The following LARP1B variants were observed in gnomAD, a reference collection of about 807,000 sequenced individuals.
LARP1B encodes La ribonucleoprotein 1B.
In LARP1B, 76 loss-of-function variants were observed where a neutral mutation model predicts 114.2. The ratio of observed to expected loss-of-function variants is 0.67; its 90% confidence interval spans 0.55 to 0.81. The LOEUF (loss-of-function observed/expected upper bound fraction) is 0.81, where lower values mean the gene tolerates loss of function less well. Among genes scored for constraint, LARP1B ranks in the 30% least tolerant of loss-of-function variants. The pLI is 0.00. For synonymous variants in LARP1B, 345 were observed against 348.0 expected (o/e 0.99, Z 0.10); for missense variants, 1,014 against 1,075.8 (o/e 0.94, Z 0.80).
chr4:128,210,248 T>C lies in LARP1B; in HGVS notation c.*195T>C, dbSNP rs1758738586. The C allele has an allele frequency of 7.1e-7, 1 of 1,403,636 alleles. No homozygotes were observed. The highest frequency in any genetic ancestry group is 2.9e-5 in the Admixed American group (1 of 34,152). The allele number at this position is 1,403,636 out of a possible 1,614,324, so 86.9% of individuals were successfully genotyped here. A position where few individuals can be genotyped will look rare whatever the true frequency, so the allele number is the denominator to read the frequency against. Reference sequence around the variant, plus strand: ...GTAGCATTTTTTCTAACAAGATAAATTCTAAAAATGTTTTCCCTGATTTCA... The same window carrying C: ...GTAGCATTTTTTCTAACAAGATAAACTCTAAAAATGTTTTCCCTGATTTCA... On this transcript the variant is annotated 3_prime_UTR_variant, in exon 20 of 20. Transcript: ENST00000326639.
rs113672012 is a variant in LARP1B, at chr4:128,093,533, G to T, written c.668+2021G>T. Among the ~76,000 whole-genome samples, 744 of 151,768 alleles carry T rather than the reference G, an allele frequency of 4.9e-3. 3 individuals are homozygous for T. The highest frequency in any genetic ancestry group is 0.017 in the African/African-American group (704 of 41,422). On this transcript the variant is annotated intron_variant, in intron 7 of 19. Coordinates refer to ENST00000326639, the MANE Select transcript of LARP1B (RefSeq NM_018078.4). ...ATGGTGTGAACCTGGGAGGCAGAGC[G>T]TGCAGTGAGCCGAGATAGTGCCACT...
At chr4:128,142,335 A>G (rs1349052100) in intron 11 of LARP1B, among the ~76,000 whole-genome samples, 1 of 152,202 alleles carries the variant, frequency 6.6e-6, no homozygotes, top group Non-Finnish European at 1.5e-5. Flanking sequence ...AACAAAGACC[A>G]GATGGTTATG....
At chr4:128,113,349 T>C (rs1269842726) in intron 9 of LARP1B, among the ~76,000 whole-genome samples, 1 of 151,366 alleles carries the variant, frequency 6.6e-6, no homozygotes, top group Non-Finnish European at 1.5e-5. Flanking sequence ...TTTTCTTTTT[T>C]TCTTTTTTTT....
chr4:128,183,442 C>T (rs1192416611), intron 15 of LARP1B, among the ~76,000 whole-genome samples: 2 of 152,218 alleles, frequency 1.3e-5, no homozygotes, highest in African/African-American at 4.8e-5. Context: ...GACAGCACAT[C>T]TACTTACAAT....
At chr4:128,161,354 G>A (rs1738408644) in intron 11 of LARP1B, among the ~76,000 whole-genome samples, 1 of 152,176 alleles carries the variant, frequency 6.6e-6, no homozygotes, top group African/African-American at 2.4e-5. Context: ...CTATGCAATA[G>A]TAGTTACAAA....
At chr4:128,144,855 C>T (rs1222196408) in intron 11 of LARP1B, among the ~76,000 whole-genome samples, 6 of 152,032 alleles carry the variant, frequency 3.9e-5, no homozygotes, top group Non-Finnish European at 8.8e-5. Context: ...TCTGTTTCTT[C>T]ATATATATTT....
chr4:128,092,537 A>G (rs1292950736), intron 7 of LARP1B, among the ~76,000 whole-genome samples: 2 of 152,194 alleles, frequency 1.3e-5, no homozygotes, highest in East Asian at 3.8e-4. Context: ...TGCATAACCA[A>G]TTTGTTAAAA....
chr4:128,107,827 G>A, intron 9 of LARP1B: 1 of 1,526,816 alleles, frequency 6.5e-7, no homozygotes. Context: ...TTTTTTCCTG[G>A]ATCATTTTTA....
At chr4:128,120,549 A>G (rs1787559019) in intron 10 of LARP1B, among the ~76,000 whole-genome samples, 1 of 151,466 alleles carries the variant, frequency 6.6e-6, no homozygotes, top group Admixed American at 6.6e-5. Flanking sequence ...CCAGGGTTCA[A>G]GCCTCCGCCT....
At chr4:128,113,627 C>T (rs1356649609) in intron 9 of LARP1B, among the ~76,000 whole-genome samples, 2 of 151,950 alleles carry the variant, frequency 1.3e-5, no homozygotes, top group Non-Finnish European at 2.9e-5. Flanking sequence ...AGGTGTGAGC[C>T]ACTGCGCCTG....
At chr4:128,120,246 A>T (rs2149987097) in intron 10 of LARP1B, among the ~76,000 whole-genome samples, 1 of 152,228 alleles carries the variant, frequency 6.6e-6, no homozygotes, top group Admixed American at 6.5e-5. Context: ...ATTATTGGGA[A>T]TTTTGAAAGG....
chr4:128,220,146 A>ATC (rs1759897392), intron 6 of LARP1B, among the ~76,000 whole-genome samples: 1 of 152,012 alleles, frequency 6.6e-6, no homozygotes, highest in Non-Finnish European at 1.5e-5. Flanking sequence ...CAGCCTCCCA[A>ATC]AGTGCTGTGA....
chr4:128,140,454 G>T (rs1042814907), intron 11 of LARP1B, among the ~76,000 whole-genome samples: 1 of 152,096 alleles, frequency 6.6e-6, no homozygotes, highest in African/African-American at 2.4e-5. Flanking sequence ...CTCAAGAACA[G>T]ATCAAATGAA....
intron 15 of LARP1B, among the ~76,000 whole-genome samples, chr4:128,193,350 T>C (rs1752898270): frequency 6.6e-6 from 1 of 152,156 alleles, no homozygotes; most frequent in South Asian, 2.1e-4. Flanking sequence ...TCGTAATAGA[T>C]ATTTGCCTGT....
chr4:128,116,650 C>A (rs1423016505), intron 10 of LARP1B, among the ~76,000 whole-genome samples: 1 of 152,026 alleles, frequency 6.6e-6, no homozygotes, highest in Non-Finnish European at 1.5e-5. Context: ...GAGGATCTGG[C>A]CTGGAGGAAA....
chr4:128,142,076 A>C (rs1273887116), intron 11 of LARP1B, among the ~76,000 whole-genome samples: 5 of 152,166 alleles, frequency 3.3e-5, no homozygotes, highest in African/African-American at 7.2e-5. Flanking sequence ...GAGTCATGTA[A>C]ACTTCCTGTC....
At chr4:128,129,549 G>A (rs1487544400) in intron 11 of LARP1B, among the ~76,000 whole-genome samples, 2 of 151,888 alleles carry the variant, frequency 1.3e-5, no homozygotes, top group Non-Finnish European at 2.9e-5. Flanking sequence ...TATCTCCAGA[G>A]GCAAAAAACA....
intron 13 of LARP1B, 142 bp from the exon 14 acceptor site, chr4:128,178,287 GTA>G: frequency 1.6e-6 from 1 of 606,626 alleles, no homozygotes; most frequent in South Asian, 2.3e-5. Context: ...GGTCAAAAAA[GTA>G]TTTGTTATTT....
intron 12 of LARP1B, among the ~76,000 whole-genome samples, chr4:128,164,987 AAAAT>A (rs1480029831): frequency 1.2e-4 from 18 of 152,272 alleles, no homozygotes; most frequent in African/African-American, 3.1e-4. Flanking sequence ...AAAAAATAAA[AAAAT>A]AAAAAAGGGA....
Sources: gnomAD v4.1 joint callset for allele counts (sites outside exome capture counted in the v4.1 genomes callset) on GRCh38, gnomAD v4.1.1 for gene constraint, MANE v1.5 for transcripts, NCBI Gene and HGNC (gene_info 2026-07-23, HGNC 2026-07-21) for gene names.